The following PTPRD variants were observed in gnomAD, a reference collection of about 807,000 sequenced individuals.
The protein encoded by PTPRD is protein tyrosine phosphatase receptor type D.
A neutral mutation model predicts 214.5 loss-of-function variants in PTPRD; 34 were observed. The observed-to-expected ratio is 0.16, with a 90% CI of 0.12 to 0.21. The LOEUF (loss-of-function observed/expected upper bound fraction) is 0.21, where lower values mean the gene tolerates loss of function less well. Ranked by LOEUF, PTPRD falls within the 10% of genes least tolerant of loss-of-function variation. The pLI, the probability that PTPRD is intolerant of heterozygous loss-of-function variation, is 1.00. For missense variants in PTPRD, 2,545 were observed against 2,398.7 expected (o/e 1.06, Z -1.27); for synonymous variants, 1,128 against 845.7 (o/e 1.33, Z -5.79).
At chr9:9,760,078 A>G (rs2098638305) in intron 6 of PTPRD, among the ~76,000 whole-genome samples, 1 of 152,142 alleles carries the variant, frequency 6.6e-6, no homozygotes, top group Admixed American at 6.5e-5. Flanking sequence ...TTCCCTCTGA[A>G]GTTTCTCATA....
chr9:10,130,340 T>G (rs767749923), intron 3 of PTPRD, among the ~76,000 whole-genome samples: 6 of 152,174 alleles, frequency 3.9e-5, no homozygotes, highest in Non-Finnish European at 7.4e-5. Context: ...TTTCTGTTCC[T>G]TCTATCAAAA....
intron 11 of PTPRD, among the ~76,000 whole-genome samples, chr9:8,964,456 G>A (rs2099178953): frequency 7.4e-6 from 1 of 135,600 alleles, no homozygotes; most frequent in Non-Finnish European, 1.7e-5. Context: ...TTTTGTCATT[G>A]TTAATCTAGT....
chr9:9,939,872 C>T (rs954766485), intron 4 of PTPRD, among the ~76,000 whole-genome samples: 1 of 152,146 alleles, frequency 6.6e-6, no homozygotes, highest in Non-Finnish European at 1.5e-5. Context: ...TCATTCTCTC[C>T]TTGTAGCCCT....
intron 7 of PTPRD, among the ~76,000 whole-genome samples, chr9:9,592,700 C>A (rs1016427675): frequency 2.0e-5 from 3 of 151,916 alleles, no homozygotes; most frequent in Non-Finnish European, 4.4e-5. Context: ...AACAGATGAA[C>A]AATTCATGTA....
At chr9:8,341,484 G>C (rs1449661264) in intron 40 of PTPRD, among the ~76,000 whole-genome samples, 1 of 152,042 alleles carries the variant, frequency 6.6e-6, no homozygotes, top group Non-Finnish European at 1.5e-5. Flanking sequence ...AGTCTCTCAA[G>C]TTAGGAGACA....
chr9:9,934,031 G>A (rs1327920624), intron 5 of PTPRD, among the ~76,000 whole-genome samples: 2 of 148,790 alleles, frequency 1.3e-5, no homozygotes, highest in South Asian at 2.1e-4. Flanking sequence ...TGAAACCAAC[G>A]AGAACAAAGA....
chr9:8,388,631 A>G (rs1035187986), intron 37 of PTPRD, among the ~76,000 whole-genome samples: 4 of 152,178 alleles, frequency 2.6e-5, no homozygotes, highest in African/African-American at 9.6e-5. Context: ...CTTTTCTTGG[A>G]CCTTACCAAG....
intron 9 of PTPRD, among the ~76,000 whole-genome samples, chr9:9,269,270 A>C (rs1303086137): frequency 6.6e-6 from 1 of 151,340 alleles, no homozygotes; most frequent in Non-Finnish European, 1.5e-5. Flanking sequence ...CAACATCATC[A>C]ATCATCGGAA....
intron 7 of PTPRD, among the ~76,000 whole-genome samples, chr9:9,725,707 T>C (rs1318569846): frequency 6.6e-6 from 1 of 152,216 alleles, no homozygotes; most frequent in Non-Finnish European, 1.5e-5. Context: ...TGTTTATTTT[T>C]CTTCAAGAAG....
At chr9:9,998,053 G>A (rs1342829021) in intron 4 of PTPRD, among the ~76,000 whole-genome samples, 2 of 148,304 alleles carry the variant, frequency 1.3e-5, no homozygotes, top group Non-Finnish European at 3.0e-5. Context: ...CCCACACAGA[G>A]TTTCTTTCTT....
In PTPRD at chr9:10,224,651, G is replaced by T. The variant is rs1379927779; in HGVS notation, c.-545+116312C>A. 2.0e-5 allele frequency among the ~76,000 whole-genome samples: 3 copies of T among 151,706 alleles called. No homozygotes were observed. The East Asian group carries it at 5.8e-4, about 30-fold the overall frequency. ...TAGTTTCTTGTTAGAAAAAAATAAT[G>T]TGCCATTGACCCTTGAACATCATGA... On this transcript the variant is annotated intron_variant, in intron 3 of 45. Transcript: ENST00000381196.
chr9:9,300,877 A>G (rs1382468261), intron 9 of PTPRD, among the ~76,000 whole-genome samples: 1 of 151,858 alleles, frequency 6.6e-6, no homozygotes, highest in Non-Finnish European at 1.5e-5. Context: ...ACTTGCTTTA[A>G]TCTTTTACGC....
chr9:8,941,901 G>A (rs1421030511), intron 11 of PTPRD, among the ~76,000 whole-genome samples: 1 of 152,158 alleles, frequency 6.6e-6, no homozygotes, highest in Non-Finnish European at 1.5e-5. Flanking sequence ...CGCCTCCCGG[G>A]TTCAAGCGAT....
intron 35 of PTPRD, among the ~76,000 whole-genome samples, chr9:8,429,303 T>C (rs1220847688): frequency 1.3e-5 from 2 of 152,120 alleles, no homozygotes; most frequent in Non-Finnish European, 2.9e-5. Context: ...TTACCACACA[T>C]AGTAGGTGTG....
chr9:8,712,711 T>C (rs1396106252), intron 12 of PTPRD, among the ~76,000 whole-genome samples: 1 of 148,774 alleles, frequency 6.7e-6, no homozygotes, highest in Non-Finnish European at 1.5e-5. Flanking sequence ...AAAGATCGTA[T>C]CAATTCTTTT....
At chr9:8,579,839 A>C (rs1023072884) in intron 14 of PTPRD, among the ~76,000 whole-genome samples, 1 of 152,176 alleles carries the variant, frequency 6.6e-6, no homozygotes, top group African/African-American at 2.4e-5. Flanking sequence ...AACGGAACCA[A>C]AAGTGTTCAT....
Position 10,523,660 on chromosome 9 carries a change from TAAAG to T in PTPRD, c.-600+88734_-600+88737del, listed in dbSNP as rs1328640454. Among the ~76,000 whole-genome samples the T allele has an allele frequency of 5.8e-4, 41 of 70,894 alleles. No individual in the cohort carries two copies. The East Asian group carries it at 8.0e-3, about 14-fold the overall frequency. 46.5% of individuals were successfully genotyped at this position (70,894 alleles called of 152,430 possible). The stretch of plus-strand genomic sequence containing the variant: ...AGGGAGAGAGAGAGAGAGAGAGAAA[TAAAG>T]AGAGAGAGAGAGAGAGAAAGCGGCT... On this transcript the variant is annotated intron_variant, in intron 2 of 45. Coordinates refer to ENST00000381196, the MANE Select transcript of PTPRD (RefSeq NM_002839.4).
At chr9:9,717,203 G>A (rs910150332) in intron 7 of PTPRD, among the ~76,000 whole-genome samples, 3 of 152,070 alleles carry the variant, frequency 2.0e-5, no homozygotes, top group South Asian at 2.1e-4. Context: ...CTGTTCCATT[G>A]ATCTATATCT....
At chr9:8,454,491 C>A (rs2096098800) in intron 33 of PTPRD, 1 of 1,404,144 alleles carries the variant, frequency 7.1e-7, no homozygotes, top group Non-Finnish European at 1.0e-6. Flanking sequence ...TTGTGTGCAG[C>A]CCCGCCCTCC....
Sources: gnomAD v4.1 joint callset for allele counts (sites outside exome capture counted in the v4.1 genomes callset) on GRCh38, gnomAD v4.1.1 for gene constraint, MANE v1.5 for transcripts, NCBI Gene and HGNC (gene_info 2026-07-23, HGNC 2026-07-21) for gene names.